MDH1: variants seen among roughly 807,000 people sequenced by gnomAD.
The protein encoded by MDH1 is malate dehydrogenase, cytoplasmic.
In MDH1, 15 loss-of-function variants were observed where a neutral mutation model predicts 38.7. The ratio of observed to expected loss-of-function variants is 0.39; its 90% CI spans 0.26 to 0.60. The LOEUF is 0.60. Ranked by LOEUF, MDH1 falls within the 20% of genes least tolerant of loss-of-function variation. The probability of loss-of-function intolerance (pLI) is 0.56; values close to 1 mark genes in which losing one functional copy is unlikely to be tolerated. For synonymous variants in MDH1, 144 were observed against 143.6 expected, an observed-to-expected ratio of 1.00 and a Z score of -0.02; for missense variants, 368 against 405.2, an observed-to-expected ratio of 0.91 and a Z score of 0.79.
chr2:63,594,976 C>T (rs937766406), intron 2 of MDH1: 12 of 247,544 alleles, frequency 4.8e-5, no homozygotes, highest in South Asian at 4.0e-4. Flanking sequence ...GCAGGCACTC[C>T]GACTTCCAGC....
chr2:63,594,115 A>G (rs1024688922), intron 1 of MDH1, among the ~76,000 whole-genome samples: 7 of 152,188 alleles, frequency 4.6e-5, no homozygotes, highest in East Asian at 1.9e-4. Flanking sequence ...TGAAGATTCT[A>G]TTGAGCAGAT....
chr2:63,590,891 C>T (rs1271738177), intron 1 of MDH1: 1 of 152,188 alleles, frequency 6.6e-6, no homozygotes, highest in Non-Finnish European at 1.5e-5. Flanking sequence ...TCTGTAAGCT[C>T]ATTCAAAGCG....
intron 7 of MDH1, 65 bp from the exon 8 acceptor site, chr2:63,605,874 T>G (rs1421431552): frequency 7.6e-7 from 1 of 1,309,376 alleles, no homozygotes; most frequent in African/African-American, 1.4e-5. Context: ...GGTTTAATTT[T>G]ATTAGTTCAT....
At chr2:63,589,395 G>A (rs1330025585) in intron 1 of MDH1, 2 of 1,550,158 alleles carry the variant, frequency 1.3e-6, no homozygotes, top group Admixed American at 2.0e-5. Flanking sequence ...GTTTGCGATG[G>A]GAGGGAAAGG....
At chr2:63,597,796 G>A in intron 4 of MDH1, 1 of 329,680 alleles carries the variant, frequency 3.0e-6, no homozygotes, top group East Asian at 4.9e-5. Context: ...TTTCCTATTA[G>A]TATAACGTGA....
chr2:63,589,717 A>G (rs1575717152), intron 1 of MDH1, among the ~76,000 whole-genome samples: 1 of 152,184 alleles, frequency 6.6e-6, no homozygotes, highest in Non-Finnish European at 1.5e-5. Flanking sequence ...AATGTAACAG[A>G]GTAACCATTT....
In MDH1 at chr2:63,600,849, T is replaced by C. The variant is rs148014911; in HGVS notation, c.498+1557T>C. Among the ~76,000 whole-genome samples the C allele has an allele frequency of 1.8e-4, 28 of 152,340 alleles. No individual in the cohort carries two copies. The East Asian group carries it at 5.2e-3, about 28-fold the overall frequency. ...GTTGTAAAGGAAGAGATATTATACATGTTACAGTTGCAAACTCTGGATTGC... is the reference window on the plus strand; with the variant it reads ...GTTGTAAAGGAAGAGATATTATACACGTTACAGTTGCAAACTCTGGATTGC... On this transcript the variant is annotated intron_variant, in intron 5 of 8. Transcript: ENST00000233114.
At chr2:63,596,272 C>A (rs774538386) in intron 3 of MDH1, among the ~76,000 whole-genome samples, 1 of 152,154 alleles carries the variant, frequency 6.6e-6, no homozygotes, top group Non-Finnish European at 1.5e-5. Context: ...ATAATACATA[C>A]CTTCCAAGAA....
intron 7 of MDH1, 29 bp downstream of exon 7, chr2:63,605,422 C>G (rs1709509946): frequency 2.0e-6 from 3 of 1,471,370 alleles, no homozygotes; most frequent in Non-Finnish European, 2.9e-6. Context: ...GCACAGGTCA[C>G]TCTATTTTAT....
At chr2:63,590,277 G>C (rs1281138383) in intron 1 of MDH1, 1 of 152,098 alleles carries the variant, frequency 6.6e-6, no homozygotes, top group Non-Finnish European at 1.5e-5. Context: ...CCCCACTTCA[G>C]ATCTTAAAAT....
In MDH1 at chr2:63,589,065, T is replaced by C; in HGVS notation, c.3+19T>C. ...AATCATGGTGAGTGTGGGCCCCGGG[T>C]TCCTGCCCACCTCTGGCCCTCGCGC... On this transcript the variant is annotated intron_variant, in intron 1 of 8. Coordinates refer to ENST00000233114, the MANE Select transcript of MDH1 (RefSeq NM_005917.4). The C allele has an allele frequency of 6.2e-7, 1 of 1,614,060 alleles. No individual in the cohort carries two copies. The highest frequency in any genetic ancestry group is 8.5e-7 in the Non-Finnish European group (1 of 1,179,932).
At chr2:63,600,996 A>C (rs2106618637) in intron 5 of MDH1, among the ~76,000 whole-genome samples, 1 of 152,332 alleles carries the variant, frequency 6.6e-6, no homozygotes, top group East Asian at 1.9e-4. Flanking sequence ...TTCTGCTTCC[A>C]AAGGTACTTC....
At chr2:63,593,664 C>T (rs760441871) in intron 1 of MDH1, 2 of 471,434 alleles carry the variant, frequency 4.2e-6, no homozygotes, top group East Asian at 6.9e-5. Context: ...TACATTTACC[C>T]AGCATTATCG....
At chr2:63,603,655 C>CTTTTTTTTTTTTTT (rs11297982) in intron 5 of MDH1, among the ~76,000 whole-genome samples, 1 of 99,114 alleles carries the variant, frequency 1.0e-5, no homozygotes, top group Non-Finnish European at 1.9e-5. Flanking sequence ...CAAGACATTT[C>CTTTTTTTTTTTTTT]TTTTTTTTTT....
intron 1 of MDH1, 146 bp downstream of exon 1, chr2:63,589,192 T>G (rs544242614): frequency 2.4e-4 from 382 of 1,600,246 alleles, no homozygotes; most frequent in Non-Finnish European, 3.0e-4. Flanking sequence ...CTTCTGGGGA[T>G]TGCCGCAGTG....
chr2:63,595,326 A>G (rs1248671704), intron 2 of MDH1, 97 bp from the exon 3 acceptor site: 5 of 769,922 alleles, frequency 6.5e-6, no homozygotes, highest in African/African-American at 5.1e-5. Context: ...TGGGAATTAC[A>G]TGCATGTACA....
chr2:63,589,074 A>G (rs1709086580), intron 1 of MDH1, 28 bp downstream of exon 1: 6 of 1,613,952 alleles, frequency 3.7e-6, no homozygotes, highest in Non-Finnish European at 5.1e-6. Context: ...GTTCCTGCCC[A>G]CCTCTGGCCC....
chr2:63,594,283 C>T (rs1449007647), intron 1 of MDH1: 1 of 671,314 alleles, frequency 1.5e-6, no homozygotes, highest in East Asian at 3.1e-5. Flanking sequence ...TCCAGGATAA[C>T]ACTTTTAGCT....
intron 1 of MDH1, among the ~76,000 whole-genome samples, chr2:63,589,538 C>G (rs10469944): frequency 0.8 from 122,287 of 152,232 alleles, 49,779 homozygotes; most frequent in East Asian, 0.98. Flanking sequence ...GCGTTTGCAG[C>G]AGACGTGTTT....
Sources: allele counts gnomAD v4.1 joint callset (sites outside exome capture counted in the v4.1 genomes callset), GRCh38; gene constraint gnomAD v4.1.1; transcripts MANE v1.5; gene names NCBI Gene and HGNC (gene_info 2026-07-23, HGNC 2026-07-21).